The following SAMD4A variants were observed in gnomAD, a reference collection of about 807,000 sequenced individuals.
The protein encoded by SAMD4A is sterile alpha motif domain containing 4A, also known as protein Smaug homolog 1.
Under a neutral mutation model 81.3 loss-of-function variants are expected in SAMD4A, and 33 were observed. That is an observed-to-expected ratio of 0.41 (90% confidence interval 0.31 to 0.54). The LOEUF is 0.54. Among genes scored for constraint, SAMD4A ranks in the 20% least tolerant of loss-of-function variants. The pLI is 0.37. For missense variants in SAMD4A, 854 were observed against 951.1 expected, an observed-to-expected ratio of 0.90 and a Z score of 1.34; for synonymous variants, 389 against 382.1, an observed-to-expected ratio of 1.02 and a Z score of -0.21.
At chr14:54,741,402 C>T (rs1190365455) in intron 4 of SAMD4A, among the ~76,000 whole-genome samples, 1 of 152,216 alleles carries the variant, frequency 6.6e-6, no homozygotes, top group Non-Finnish European at 1.5e-5. Context: ...CAAAATGCCA[C>T]AGCTATGATG....
At chr14:54,719,838 T>A (rs1490826297) in intron 3 of SAMD4A, among the ~76,000 whole-genome samples, 1 of 152,204 alleles carries the variant, frequency 6.6e-6, no homozygotes, top group Non-Finnish European at 1.5e-5. Context: ...ACAGTCTTTT[T>A]CTTGAAGACA....
At chr14:54,753,050 G>A (rs965325398) in intron 6 of SAMD4A, among the ~76,000 whole-genome samples, 11 of 152,360 alleles carry the variant, frequency 7.2e-5, no homozygotes, top group African/African-American at 2.6e-4. Context: ...TTGAACAAAT[G>A]TACAATCGGG....
chr14:54,788,874 T>G lies in SAMD4A; in HGVS notation c.2129-42T>G, dbSNP rs1175184151. On this transcript the variant is annotated intron_variant, in intron 12 of 12. Coordinates refer to ENST00000554335, the MANE Select transcript of SAMD4A (RefSeq NM_015589.6). ...GCATAGGTGGGCACGAACTGGATTGTTTTGCTCACCTGTGCCCATCGTTTG... is the reference window on the plus strand; with the variant it reads ...GCATAGGTGGGCACGAACTGGATTGGTTTGCTCACCTGTGCCCATCGTTTG... The G allele has an allele frequency of 3.1e-6, 5 of 1,613,926 alleles. No individual in the cohort carries two copies. In the African/African-American group the frequency reaches 5.3e-5, roughly 17 times the overall value.
intron 2 of SAMD4A, among the ~76,000 whole-genome samples, chr14:54,667,011 C>T (rs2035772474): frequency 2.0e-5 from 3 of 152,072 alleles, no homozygotes; most frequent in African/African-American, 2.4e-5. Context: ...AGAAAGAAAT[C>T]GAGATTTAAA....
At chr14:54,688,722 C>A (rs540561504) in intron 2 of SAMD4A, among the ~76,000 whole-genome samples, 1 of 152,246 alleles carries the variant, frequency 6.6e-6, no homozygotes, top group East Asian at 1.9e-4. Context: ...ACTCTTTCAA[C>A]TGCTTCCTCC....
At chr14:54,757,804 G>C (rs1257928264) in intron 6 of SAMD4A, among the ~76,000 whole-genome samples, 1 of 152,178 alleles carries the variant, frequency 6.6e-6, no homozygotes, top group Non-Finnish European at 1.5e-5. Context: ...CCAGGGGCTG[G>C]TTGGGCCGTT....
intron 2 of SAMD4A, among the ~76,000 whole-genome samples, chr14:54,640,655 G>A (rs146878915): frequency 4.6e-5 from 7 of 152,262 alleles, no homozygotes; most frequent in East Asian, 1.9e-4. Context: ...CTGAATGCTC[G>A]GAGGTGGCAC....
chr14:54,768,186 A>G (rs1257721192), intron 8 of SAMD4A, among the ~76,000 whole-genome samples: 2 of 152,074 alleles, frequency 1.3e-5, no homozygotes, highest in Non-Finnish European at 2.9e-5. Flanking sequence ...GCTGTGTGCT[A>G]TTGGAGCTCA....
rs1167990790 is a variant in SAMD4A at position 54,792,733 on chromosome 14, G to A, written c.*3789G>A. ...TTTTTTTTTTTTACAAGTCATCAGAGATGTTTGCAAAGTGAGTTTTATTTT... is the reference window on the plus strand; with the variant it reads ...TTTTTTTTTTTTACAAGTCATCAGAAATGTTTGCAAAGTGAGTTTTATTTT... On this transcript the variant is annotated 3_prime_UTR_variant, in exon 13 of 13. Coordinates refer to ENST00000554335, the MANE Select transcript of SAMD4A (RefSeq NM_015589.6). 1 of 151,802 alleles carries A rather than the reference G, an allele frequency of 6.6e-6. No homozygotes were observed. The highest frequency in any genetic ancestry group is 2.4e-5 in the African/African-American group (1 of 41,272). The allele number at this position is 151,802 out of a possible 1,614,324, so 9.4% of individuals were successfully genotyped here.
At chr14:54,691,705 C>G (rs1227739713) in intron 2 of SAMD4A, among the ~76,000 whole-genome samples, 2 of 152,288 alleles carry the variant, frequency 1.3e-5, no homozygotes, top group African/African-American at 4.8e-5. Context: ...CATTGGCTGG[C>G]GGCTGGAGGG....
chr14:54,753,390 G>A (rs200604033), intron 6 of SAMD4A, among the ~76,000 whole-genome samples: 2 of 152,226 alleles, frequency 1.3e-5, no homozygotes, highest in African/African-American at 2.4e-5. Flanking sequence ...AACAAGGCAC[G>A]TCCTGCACAG....
chr14:54,702,739 G>C lies in SAMD4A; in HGVS notation c.715+159G>C, dbSNP rs965862173. On this transcript the variant is annotated intron_variant, in intron 3 of 12. Coordinates refer to ENST00000554335, the MANE Select transcript of SAMD4A (RefSeq NM_015589.6). ...GAAAGGTCCTTTGGACCCCATATTT[G>C]TTGCTCTTTGACTCTGCAAAGATGA... 3.6e-6 allele frequency: 3 copies of C among 824,976 alleles called. No homozygotes were observed. In the African/African-American group the frequency reaches 5.1e-5, roughly 14 times the overall value. 51.1% of individuals were successfully genotyped at this position (824,976 alleles called of 1,614,324 possible).
At chr14:54,648,792 G>A (rs1271381734) in intron 2 of SAMD4A, among the ~76,000 whole-genome samples, 3 of 152,078 alleles carry the variant, frequency 2.0e-5, no homozygotes, top group Admixed American at 6.6e-5. Context: ...GAATGAAGGC[G>A]CTTCATTGAC....
chr14:54,596,364 C>T (rs561148246), intron 2 of SAMD4A, among the ~76,000 whole-genome samples: 36 of 152,192 alleles, frequency 2.4e-4, no homozygotes, highest in Non-Finnish European at 4.3e-4. Context: ...GCAGGTGGAT[C>T]ACCTGAGGTC....
intron 4 of SAMD4A, 136 bp from the exon 5 acceptor site, chr14:54,748,679 A>C (rs1180578361): frequency 3.2e-6 from 2 of 628,048 alleles, no homozygotes; most frequent in Non-Finnish European, 5.6e-6. Flanking sequence ...ATACATAGTA[A>C]CATAAAGGTG....
At chr14:54,629,806 A>G (rs1383445626) in intron 2 of SAMD4A, among the ~76,000 whole-genome samples, 2 of 152,178 alleles carry the variant, frequency 1.3e-5, no homozygotes, top group Non-Finnish European at 2.9e-5. Flanking sequence ...TGCAAAAATG[A>G]AACTGTGTGT....
intron 2 of SAMD4A, among the ~76,000 whole-genome samples, chr14:54,609,680 T>C (rs1274303598): frequency 6.6e-6 from 1 of 152,214 alleles, no homozygotes; most frequent in African/African-American, 2.4e-5. Flanking sequence ...GAGTGCATCA[T>C]TACAGGTTCC....
intron 2 of SAMD4A, among the ~76,000 whole-genome samples, chr14:54,631,191 G>C (rs2034896832): frequency 6.6e-6 from 1 of 152,122 alleles, no homozygotes; most frequent in Admixed American, 6.5e-5. Context: ...CAGCCTTTCT[G>C]TTCTGTTCAG....
intron 5 of SAMD4A, among the ~76,000 whole-genome samples, chr14:54,749,141 G>A (rs1446230930): frequency 2.6e-5 from 4 of 152,160 alleles, no homozygotes; most frequent in Admixed American, 6.5e-5. Flanking sequence ...GCAGATAACT[G>A]CAGGGTCGTG....
Sources: allele counts gnomAD v4.1 joint callset (sites outside exome capture counted in the v4.1 genomes callset), GRCh38; gene constraint gnomAD v4.1.1; transcripts MANE v1.5; gene names NCBI Gene and HGNC (gene_info 2026-07-23, HGNC 2026-07-21).